CALN1: variants seen among roughly 807,000 people sequenced by gnomAD.
CALN1 encodes the protein calcium-binding protein 8.
A neutral mutation model predicts 30.6 loss-of-function variants in CALN1; 17 were observed. The ratio of observed to expected loss-of-function variants is 0.56; its 90% CI spans 0.38 to 0.83. CALN1 has a LOEUF of 0.83. Among genes scored for constraint, CALN1 ranks in the 40% least tolerant of loss-of-function variants. The probability of loss-of-function intolerance (pLI) is 0.00; values close to 1 mark genes in which losing one functional copy is unlikely to be tolerated. For missense variants in CALN1, 291 were observed against 354.9 expected, an observed-to-expected ratio of 0.82 and a Z score of 1.45; for synonymous variants, 156 against 131.4, an observed-to-expected ratio of 1.19 and a Z score of -1.28.
intron 2 of CALN1, among the ~76,000 whole-genome samples, chr7:72,370,017 T>A (rs1003939054): frequency 2.6e-5 from 4 of 152,202 alleles, no homozygotes; most frequent in Admixed American, 6.5e-5. Flanking sequence ...AAAAAATGTA[T>A]GTGTGTTATT....
intron 2 of CALN1, among the ~76,000 whole-genome samples, chr7:72,377,906 G>C (rs1804662665): frequency 6.6e-6 from 1 of 152,046 alleles, no homozygotes; most frequent in Non-Finnish European, 1.5e-5. Flanking sequence ...CACAGCTCTG[G>C]GAATGAGTGT....
chr7:72,268,240 G>A (rs1796722687), intron 3 of CALN1, among the ~76,000 whole-genome samples: 1 of 152,072 alleles, frequency 6.6e-6, no homozygotes, highest in East Asian at 1.9e-4. Context: ...AATATGTCTG[G>A]CCCAAGAAGC....
intron 5 of CALN1, among the ~76,000 whole-genome samples, chr7:71,942,687 A>C (rs1296046674): frequency 2.0e-5 from 3 of 152,220 alleles, no homozygotes; most frequent in African/African-American, 7.2e-5. Context: ...TGATATCTTT[A>C]GCAGGTGATT....
intron 2 of CALN1, among the ~76,000 whole-genome samples, chr7:72,295,456 T>C (rs1406104328): frequency 4.6e-5 from 7 of 152,024 alleles, no homozygotes. Context: ...CCTTGGGCAG[T>C]ATGGCCATTT....
At chr7:71,966,037 T>C (rs1797514253) in intron 5 of CALN1, among the ~76,000 whole-genome samples, 1 of 147,598 alleles carries the variant, frequency 6.8e-6, no homozygotes, top group Non-Finnish European at 1.5e-5. Context: ...CAATACTCAA[T>C]AGAAAAATCA....
the CALN1 span, among the ~76,000 whole-genome samples, chr7:72,501,410 GAGA>G: frequency 2.2e-4 from 25 of 113,566 alleles, no homozygotes; most frequent in Non-Finnish European, 4.5e-4. Context: ...CAAAGAAAAA[GAGA>G]AGAAGAAAGA....
At chr7:71,818,569 T>C (rs1788398407) in intron 5 of CALN1, among the ~76,000 whole-genome samples, 2 of 152,108 alleles carry the variant, frequency 1.3e-5, no homozygotes, top group South Asian at 4.1e-4. Flanking sequence ...GGGGTCTCAC[T>C]ATGTTGCCCA....
At chr7:72,423,685 C>T (rs1585713704) in intron 1 of CALN1, among the ~76,000 whole-genome samples, 2 of 152,048 alleles carry the variant, frequency 1.3e-5, no homozygotes, top group East Asian at 1.9e-4. Flanking sequence ...GGCACAGTGG[C>T]TCACACCTGT....
chr7:71,886,492 G>T (rs113831663), intron 5 of CALN1, among the ~76,000 whole-genome samples: 18 of 152,360 alleles, frequency 1.2e-4, no homozygotes, highest in Admixed American at 3.3e-4. Context: ...AAGCCTTCCG[G>T]CTGGGCATGG....
At chr7:72,503,452 C>A in the CALN1 span, among the ~76,000 whole-genome samples, 1 of 152,040 alleles carries the variant, frequency 6.6e-6, no homozygotes, top group Admixed American at 6.6e-5. Context: ...TCCACCAATC[C>A]CATTTGGCAC....
chr7:72,397,222 T>C (rs901724250), intron 2 of CALN1, among the ~76,000 whole-genome samples: 1 of 152,108 alleles, frequency 6.6e-6, no homozygotes, highest in African/African-American at 2.4e-5. Flanking sequence ...ATGTAGGATT[T>C]TACCCCGGAG....
rs1356196460 is a variant in CALN1, at chr7:72,017,642, C to T, written c.501+6015G>A. Reference sequence around the variant, plus strand: ...GAGCTATTATGGGCTTCTTGTCTCCCGACCTTTAGCCCCGGACTCATTCCA... The same window carrying T: ...GAGCTATTATGGGCTTCTTGTCTCCTGACCTTTAGCCCCGGACTCATTCCA... On this transcript the variant is annotated intron_variant, in intron 5 of 6. Coordinates refer to ENST00000395275, the MANE Select transcript of CALN1 (RefSeq NM_031468.4). Among the ~76,000 whole-genome samples, 4 of 152,260 alleles carry T rather than the reference C, an allele frequency of 2.6e-5. No individual in the cohort carries two copies. The East Asian group carries it at 7.7e-4, about 29-fold the overall frequency.
At chr7:72,501,940 TATATATATACACACATATATATATATAA>T in the CALN1 span, among the ~76,000 whole-genome samples, 11 of 83,944 alleles carry the variant, frequency 1.3e-4, no homozygotes, top group Non-Finnish European at 2.2e-4. Context: ...TATATATATA[TATATATATACACACATATATATATATAA>T]ATATATATAC....
chr7:72,103,693 G>A (rs73124389), intron 4 of CALN1, among the ~76,000 whole-genome samples: 30,994 of 151,888 alleles, frequency 0.2, 3,460 homozygotes, highest in Admixed American at 0.28. Context: ...CTAGACAGGG[G>A]ACTGCCACTG....
chr7:72,168,575 C>T (rs1788698298), intron 3 of CALN1, among the ~76,000 whole-genome samples: 1 of 152,138 alleles, frequency 6.6e-6, no homozygotes, highest in Non-Finnish European at 1.5e-5. Flanking sequence ...CCATCTGTCT[C>T]TTCCAATATA....
chr7:72,252,194 G>T (rs1410066348), intron 3 of CALN1, among the ~76,000 whole-genome samples: 1 of 152,012 alleles, frequency 6.6e-6, no homozygotes, highest in Non-Finnish European at 1.5e-5. Context: ...TATTCTTCTA[G>T]TTGATTGAGC....
chr7:72,029,984 C>G (rs1467439115), intron 4 of CALN1, among the ~76,000 whole-genome samples: 1 of 152,130 alleles, frequency 6.6e-6, no homozygotes, highest in Non-Finnish European at 1.5e-5. Flanking sequence ...GGACTGAGCC[C>G]TTGACCTGAG....
At chr7:72,363,905 T>C (rs1803717459) in intron 2 of CALN1, among the ~76,000 whole-genome samples, 1 of 151,702 alleles carries the variant, frequency 6.6e-6, no homozygotes, top group Non-Finnish European at 1.5e-5. Context: ...CAGCTAATTT[T>C]TGTATTTTCA....
At chr7:72,315,092 G>C (rs377577538) in intron 2 of CALN1, among the ~76,000 whole-genome samples, 679 of 152,070 alleles carry the variant, frequency 4.5e-3, no homozygotes, top group African/African-American at 0.016. Context: ...CAAGGTGGCA[G>C]TGAGCTATGA....
Sources: gnomAD v4.1 joint callset for allele counts (sites outside exome capture counted in the v4.1 genomes callset) on GRCh38, gnomAD v4.1.1 for gene constraint, MANE v1.5 for transcripts, NCBI Gene and HGNC (gene_info 2026-07-23, HGNC 2026-07-21) for gene names.